Variants in CPAMD8 observed in about 807,000 individuals in gnomAD.
CPAMD8 encodes the protein C3 and PZP like alpha-2-macroglobulin domain containing 8, also known as C3 and PZP-like alpha-2-macroglobulin domain-containing protein 8.
CPAMD8 carries 146 observed loss-of-function variants against 224.7 expected under a neutral mutation model. That is an observed-to-expected ratio of 0.65 (90% CI 0.57 to 0.75). CPAMD8 has a LOEUF of 0.75. Ranked by LOEUF, CPAMD8 falls within the 30% of genes least tolerant of loss-of-function variation. The pLI is 0.00. For synonymous variants in CPAMD8, 966 were observed against 1,044.6 expected (o/e 0.92, Z 1.45); for missense variants, 2,301 against 2,537.5 (o/e 0.91, Z 2.00).
chr19:16,987,082 C>T (rs2055746250), intron 13 of CPAMD8, among the ~76,000 whole-genome samples: 1 of 140,480 alleles, frequency 7.1e-6, no homozygotes, highest in South Asian at 2.3e-4. Context: ...GTGCTTGAAC[C>T]CAGGAGATGG....
intron 3 of CPAMD8, among the ~76,000 whole-genome samples, chr19:17,018,010 G>A (rs930459901): frequency 6.0e-5 from 9 of 149,156 alleles, no homozygotes; most frequent in African/African-American, 1.0e-4. Context: ...TCCAGCCTGG[G>A]AGAAAAAGCA....
At chr19:16,992,268 A>G (rs556086853) in intron 12 of CPAMD8, among the ~76,000 whole-genome samples, 1 of 152,136 alleles carries the variant, frequency 6.6e-6, no homozygotes, top group East Asian at 1.9e-4. Flanking sequence ...CCCCAACTAA[A>G]GACTCTGGAG....
rs201430962 is a variant in CPAMD8, at chr19:16,997,431, T to C, written c.868-93A>G. The C allele has an allele frequency of 1.4e-5, 11 of 766,348 alleles. No homozygotes were observed. In the East Asian group the frequency reaches 3.0e-4, roughly 21 times the overall value. 47.5% of individuals were successfully genotyped at this position (766,348 alleles called of 1,614,324 possible). ...ACACACACCTGAGGTGCAAGACTCTTCAGCTGCTTGGAGGGCCAGGGGTCA... is the reference window on the plus strand; with the variant it reads ...ACACACACCTGAGGTGCAAGACTCTCCAGCTGCTTGGAGGGCCAGGGGTCA... On this transcript the variant is annotated intron_variant, in intron 10 of 41. Coordinates refer to ENST00000443236, the MANE Select transcript of CPAMD8 (RefSeq NM_015692.5).
Position 17,013,944 on chromosome 19 carries a change from C to T in CPAMD8, c.268-2187G>A, listed in dbSNP as rs550952806. 2.7e-5 allele frequency among the ~76,000 whole-genome samples: 4 copies of T among 149,812 alleles called. No individual in the cohort carries two copies. The East Asian group carries it at 7.8e-4, about 29-fold the overall frequency. Reference sequence around the variant, plus strand: ...CCTCCCTCCCTCTCTCCCTCCCTCTCTCCCTCCCTTCCTTTCTTTCTTCCT... The same window carrying T: ...CCTCCCTCCCTCTCTCCCTCCCTCTTTCCCTCCCTTCCTTTCTTTCTTCCT... On this transcript the variant is annotated intron_variant, in intron 3 of 41. Transcript: ENST00000443236.
chr19:17,023,147 G>A (rs1360744984), intron 1 of CPAMD8, among the ~76,000 whole-genome samples: 4 of 152,160 alleles, frequency 2.6e-5, no homozygotes, highest in African/African-American at 7.2e-5. Context: ...TGGAATCAAA[G>A]CAGGCCTCTC....
chr19:16,969,809 G>A (rs1398771281), intron 18 of CPAMD8, among the ~76,000 whole-genome samples: 3 of 145,658 alleles, frequency 2.1e-5, no homozygotes, highest in African/African-American at 7.9e-5. Flanking sequence ...GGGAGGTGGA[G>A]GTTGCAGTGA....
At chr19:16,946,528 TG>T (rs2054099129) in intron 21 of CPAMD8, among the ~76,000 whole-genome samples, 1 of 123,856 alleles carries the variant, frequency 8.1e-6, no homozygotes, top group Non-Finnish European at 1.7e-5. Context: ...TGTGTGTGTG[TG>T]AATGCATGTC....
At chr19:16,980,711 G>A (rs1293983828) in intron 13 of CPAMD8, 25 bp from the exon 14 acceptor site, 2 of 1,503,748 alleles carry the variant, frequency 1.3e-6, no homozygotes, top group Non-Finnish European at 1.8e-6. Flanking sequence ...CAGCATGGGG[G>A]GCTCTGCCTC....
intron 7 of CPAMD8, among the ~76,000 whole-genome samples, chr19:17,004,867 T>C (rs1055242037): frequency 1.3e-5 from 2 of 151,582 alleles, no homozygotes; most frequent in African/African-American, 2.4e-5. Flanking sequence ...CCCCCCACAA[T>C]ATAACGACCT....
rs751843665 is a variant in CPAMD8, at chr19:16,929,028, G to A, written c.3058C>T (p.Pro1020Ser). Residue 1020 changes from proline (P) to serine (S), a missense_variant, in exon 24 of 42, where the codon CCC (proline) becomes TCC (serine). Coordinates refer to ENST00000443236, the MANE Select transcript of CPAMD8 (RefSeq NM_015692.5). The stretch of plus-strand genomic sequence containing the variant: ...TTGGCCGTGTGTGCACTGGCCACGG[G>A]CTCTCCCATCTTGCTGGTGGAGATC... ...SWISTSKMGEPVASAHTAKIL... is the reference protein window; with the variant it reads ...SWISTSKMGESVASAHTAKIL... 6.2e-7 allele frequency: 1 copy of A among 1,613,708 alleles called. No individual in the cohort carries two copies. Among genetic ancestry groups the A allele is most frequent in the Non-Finnish European group, 8.5e-7 (1 of 1,179,678 alleles).
intron 10 of CPAMD8, among the ~76,000 whole-genome samples, chr19:16,998,308 A>G (rs1026732527): frequency 2.6e-5 from 4 of 152,070 alleles, no homozygotes; most frequent in African/African-American, 9.7e-5. Flanking sequence ...AAAAATACAA[A>G]AATTATCCCA....
intron 8 of CPAMD8, 108 bp downstream of exon 8, chr19:17,004,165 G>A (rs535795956): frequency 1.3e-4 from 88 of 685,400 alleles, no homozygotes; most frequent in South Asian, 3.4e-4. Flanking sequence ...CTGGGCCTCC[G>A]AAAGTGCTGG....
intron 17 of CPAMD8, 191 bp from the exon 18 acceptor site, chr19:16,971,224 G>A (rs1245012435): frequency 2.4e-5 from 13 of 540,758 alleles, no homozygotes; most frequent in Admixed American, 3.7e-5. Context: ...TTTTTGAGAC[G>A]GAGTCTCGCT....
intron 8 of CPAMD8, 60 bp downstream of exon 8, chr19:17,004,213 C>A: frequency 8.1e-7 from 1 of 1,231,608 alleles, no homozygotes; most frequent in South Asian, 1.2e-5. Flanking sequence ...GCCTTCTTCA[C>A]CAGTTTCTAA....
chr19:16,999,277 T>C (rs2056232219), intron 10 of CPAMD8, among the ~76,000 whole-genome samples: 1 of 152,180 alleles, frequency 6.6e-6, no homozygotes, highest in African/African-American at 2.4e-5. Flanking sequence ...ACTCTGCAAC[T>C]ATATGAAAAC....
intron 20 of CPAMD8, 126 bp downstream of exon 20, chr19:16,951,843 T>C (rs1410964437): frequency 6.1e-6 from 4 of 653,570 alleles, no homozygotes; most frequent in South Asian, 3.8e-5. Context: ...CTCAACATCA[T>C]AGAGGCTCTC....
chr19:17,015,669 C>A (rs2123194842), intron 3 of CPAMD8, among the ~76,000 whole-genome samples: 1 of 152,306 alleles, frequency 6.6e-6, no homozygotes, highest in African/African-American at 2.4e-5. Flanking sequence ...ATCCCAAAAT[C>A]CTCACCTGGC....
chr19:16,918,583 G>T (rs963317074), intron 27 of CPAMD8, among the ~76,000 whole-genome samples: 1 of 151,634 alleles, frequency 6.6e-6, no homozygotes, highest in East Asian at 1.9e-4. Flanking sequence ...CAGTAGTTGG[G>T]ACTAAGGCAT....
At chr19:16,921,033 TTATC>T (rs1828005464) in intron 27 of CPAMD8, among the ~76,000 whole-genome samples, 1 of 151,950 alleles carries the variant, frequency 6.6e-6, no homozygotes, top group Admixed American at 6.6e-5. Context: ...GGGCCTTGCG[TTATC>T]AGCTGTCGGC....
Sources: gnomAD v4.1 joint callset for allele counts (sites outside exome capture counted in the v4.1 genomes callset) on GRCh38, gnomAD v4.1.1 for gene constraint, MANE v1.5 for transcripts, NCBI Gene and HGNC (gene_info 2026-07-23, HGNC 2026-07-21) for gene names.